PDZD2: variants seen among roughly 807,000 people sequenced by gnomAD.
PDZD2 encodes the protein PDZ domain-containing protein 2.
PDZD2 carries 90 observed loss-of-function variants against 220.7 expected under a neutral mutation model. That is an observed-to-expected ratio of 0.41 (90% CI 0.34 to 0.49). The LOEUF (loss-of-function observed/expected upper bound fraction) is 0.49, where lower values mean the gene tolerates loss of function less well. Among genes scored for constraint, PDZD2 ranks in the 20% least tolerant of loss-of-function variants. The pLI is 0.28. For missense variants in PDZD2, 3,174 were observed against 3,608.5 expected, an observed-to-expected ratio of 0.88 and a Z score of 3.08; for synonymous variants, 1,375 against 1,450.5, an observed-to-expected ratio of 0.95 and a Z score of 1.18.
chr5:31,748,518 C>G (rs377072460), intron 1 of PDZD2, among the ~76,000 whole-genome samples: 1 of 152,208 alleles, frequency 6.6e-6, no homozygotes, highest in African/African-American at 2.4e-5. Flanking sequence ...AACCTTCAGG[C>G]TCCTCTTCAG....
At position 31,983,274 on chromosome 5, in the gene PDZD2, A is replaced by G. The variant is rs1261053671; in HGVS notation, c.596A>G (p.Glu199Gly). The G allele has an allele frequency of 7.4e-6, 12 of 1,614,054 alleles. No individual in the cohort carries two copies. The African/African-American group carries it at 1.6e-4, about 22-fold the overall frequency. Residue 199 changes from glutamate to glycine, a missense_variant, in exon 3 of 25, where the codon GAA (glutamate) becomes GGA (glycine). Physicochemically the swap from Glu to Gly is moderately conservative, Grantham distance 98 (BLOSUM62 -2). Coordinates refer to ENST00000438447, the MANE Select transcript of PDZD2 (RefSeq NM_178140.4). The stretch of plus-strand genomic sequence containing the variant: ...AGTAGCAACAGCTCTGAACCAGGAG[A>G]AACACCTACCTTGGAGCTGGGTGAC... ...GNSSNSSEPG[E>G]TPTLELGDRT...
intron 2 of PDZD2, among the ~76,000 whole-genome samples, chr5:31,852,255 A>C (rs1758101033): frequency 6.6e-6 from 1 of 152,058 alleles, no homozygotes; most frequent in Non-Finnish European, 1.5e-5. Context: ...TTATACTTAA[A>C]ACCATACATT....
intron 2 of PDZD2, among the ~76,000 whole-genome samples, chr5:31,968,811 A>C (rs1040869707): frequency 2.3e-4 from 35 of 152,280 alleles, no homozygotes; most frequent in African/African-American, 8.2e-4. Flanking sequence ...TTGAACTTTC[A>C]GCCTCCGGAA....
chr5:32,085,074 C>A (rs1292636795), intron 19 of PDZD2, among the ~76,000 whole-genome samples: 1 of 150,988 alleles, frequency 6.6e-6, no homozygotes, highest in Non-Finnish European at 1.5e-5. Context: ...CGTGCCTCAG[C>A]CTCCCAAGTA....
At chr5:31,726,153 C>G (rs1749122097) in intron 1 of PDZD2, among the ~76,000 whole-genome samples, 2 of 152,234 alleles carry the variant, frequency 1.3e-5, no homozygotes, top group African/African-American at 4.8e-5. Context: ...GGAGAAGTGC[C>G]TGCTCTGAGT....
At chr5:31,696,707 C>A (rs930628441) in intron 1 of PDZD2, among the ~76,000 whole-genome samples, 2 of 152,140 alleles carry the variant, frequency 1.3e-5, no homozygotes, top group Non-Finnish European at 2.9e-5. Context: ...GATACATTTC[C>A]CTAGAAACCT....
intron 2 of PDZD2, among the ~76,000 whole-genome samples, chr5:31,901,605 G>A (rs3925816): frequency 0.78 from 118,989 of 152,028 alleles, 48,332 homozygotes; most frequent in Non-Finnish European, 0.91. Flanking sequence ...TTTAAAAAAC[G>A]GTTTTATTGA....
chr5:32,017,917 G>GGGAA (rs1753896956), intron 6 of PDZD2, among the ~76,000 whole-genome samples: 1 of 152,166 alleles, frequency 6.6e-6, no homozygotes, highest in South Asian at 2.1e-4. Flanking sequence ...CAGAACTGCA[G>GGGAA]GGAACCTTGG....
intron 5 of PDZD2, among the ~76,000 whole-genome samples, chr5:32,002,743 A>ACCC (rs1226856283): frequency 1.9e-5 from 1 of 51,970 alleles, no homozygotes; most frequent in Admixed American, 2.5e-4. Context: ...CACCCCACAC[A>ACCC]CCAACACACA....
At chr5:31,742,540 CTCCCCACCCCAT>C (rs1021980275) in intron 1 of PDZD2, among the ~76,000 whole-genome samples, 2 of 149,276 alleles carry the variant, frequency 1.3e-5, no homozygotes, top group Non-Finnish European at 3.0e-5. Flanking sequence ...AACTCCCCCC[CTCCCCACCCCAT>C]TCCCCCACCA....
At chr5:31,676,123 C>T (rs950829858) in intron 1 of PDZD2, among the ~76,000 whole-genome samples, 2 of 150,202 alleles carry the variant, frequency 1.3e-5, no homozygotes, top group Non-Finnish European at 2.9e-5. Flanking sequence ...TTTGAACAAA[C>T]ATTGGACTGG....
chr5:31,790,245 C>T (rs1001047058), intron 1 of PDZD2, among the ~76,000 whole-genome samples: 1 of 152,024 alleles, frequency 6.6e-6, no homozygotes, highest in Non-Finnish European at 1.5e-5. Context: ...CTACAGGCAC[C>T]CGCCACCATG....
chr5:32,071,062 A>G (rs1740695680), intron 15 of PDZD2, among the ~76,000 whole-genome samples: 2 of 152,222 alleles, frequency 1.3e-5, no homozygotes, highest in South Asian at 4.1e-4. Flanking sequence ...CCACTCATAC[A>G]TTATATGATG....
intron 5 of PDZD2, among the ~76,000 whole-genome samples, chr5:32,002,600 ACAC>A (rs1197727743): frequency 1.4e-5 from 2 of 141,526 alleles, no homozygotes; most frequent in Non-Finnish European, 3.2e-5. Context: ...CCACACACAC[ACAC>A]CACACACACA....
intron 2 of PDZD2, among the ~76,000 whole-genome samples, chr5:31,920,477 A>G (rs1484487601): frequency 6.9e-6 from 1 of 144,584 alleles, no homozygotes; most frequent in Non-Finnish European, 1.5e-5. Context: ...CACAGTGTAC[A>G]TTAGGGTTCG....
chr5:31,751,242 CA>C (rs545923936), intron 1 of PDZD2, among the ~76,000 whole-genome samples: 62 of 131,564 alleles, frequency 4.7e-4, no homozygotes, highest in African/African-American at 4.5e-4. Context: ...AGTACATCTC[CA>C]AAAAAAAAAA....
At chr5:31,802,919 CAAAAAAAAA>C (rs34901917) in intron 2 of PDZD2, among the ~76,000 whole-genome samples, 2 of 56,184 alleles carry the variant, frequency 3.6e-5, no homozygotes, top group Non-Finnish European at 3.3e-5. Flanking sequence ...GACTCTGTCT[CAAAAAAAAA>C]AAAAAAAAAA....
rs527398859 is a variant in PDZD2, at chr5:32,051,986, C to G, written c.1666-625C>G. 1.1e-4 allele frequency among the ~76,000 whole-genome samples: 16 copies of G among 152,276 alleles called. 1 individual carries two copies. The highest frequency in any genetic ancestry group is 6.8e-3 in the Middle Eastern group (2 of 294). The stretch of plus-strand genomic sequence containing the variant: ...GAAAGCCCGACCACAGGTGGTCATC[C>G]TGTATCACTGAGGCCTCTTGTTTCT... On this transcript the variant is annotated intron_variant, in intron 8 of 24. Coordinates refer to ENST00000438447, the MANE Select transcript of PDZD2 (RefSeq NM_178140.4).
At chr5:32,067,578 T>G (rs1164451228) in intron 14 of PDZD2, among the ~76,000 whole-genome samples, 3 of 152,230 alleles carry the variant, frequency 2.0e-5, no homozygotes, top group African/African-American at 7.2e-5. Context: ...TGCTGAATTC[T>G]ATATAGAAAT....
Sources: allele counts gnomAD v4.1 joint callset (sites outside exome capture counted in the v4.1 genomes callset), GRCh38; gene constraint gnomAD v4.1.1; transcripts MANE v1.5; gene names NCBI Gene and HGNC (gene_info 2026-07-23, HGNC 2026-07-21).